The following STAC3 variants were observed in gnomAD, a reference collection of about 807,000 sequenced individuals.
The protein encoded by STAC3 is SH3 and cysteine-rich domain-containing protein 3.
Under a neutral mutation model 48.5 loss-of-function variants are expected in STAC3, and 30 were observed. The ratio of observed to expected loss-of-function variants is 0.62; its 90% CI spans 0.46 to 0.84. STAC3 has a LOEUF of 0.84. Ranked by LOEUF, STAC3 falls within the 40% of genes least tolerant of loss-of-function variation. STAC3 has a pLI of 0.00. For missense variants in STAC3, 419 were observed against 462.6 expected, an observed-to-expected ratio of 0.91 and a Z score of 0.86; for synonymous variants, 144 against 158.6, an observed-to-expected ratio of 0.91 and a Z score of 0.69.
Position 57,251,098 on chromosome 12 carries a change from G to GC in STAC3, c.-108dup. On this transcript the variant is annotated 5_prime_UTR_variant, in exon 1 of 12. Coordinates refer to ENST00000332782, the MANE Select transcript of STAC3 (RefSeq NM_145064.3). ...ACTGGTCCTCTTCCTTGGGGGCTAA[G>GC]CCCCCCCAGTACCCCCTGTGTTCAC... is the stretch of plus-strand genomic sequence containing the variant. 4.5e-6 allele frequency: 2 copies of GC among 449,028 alleles called. No homozygotes were observed. Among genetic ancestry groups the GC allele is most frequent in the East Asian group, 1.4e-4 (2 of 14,216 alleles). The allele number at this position is 449,028 out of a possible 1,614,324, so 27.8% of individuals were successfully genotyped here.
At chr12:57,247,947 C>T (rs751534072) in intron 5 of STAC3, among the ~76,000 whole-genome samples, 179 bp downstream of exon 5, 2 of 152,174 alleles carry the variant, frequency 1.3e-5, no homozygotes, top group Non-Finnish European at 2.9e-5. Context: ...ATCGTATCTC[C>T]CTCTGCTGTA....
In STAC3 at chr12:57,249,607, A is replaced by G; in HGVS notation, c.30T>C (p.Pro10=). 1 of 1,614,102 alleles carries G rather than the reference A, an allele frequency of 6.2e-7. No homozygotes were observed. The highest frequency in any genetic ancestry group is 8.5e-7 in the Non-Finnish European group (1 of 1,180,006). MTEKEVLES[P]KPSFPAETRQ... ...GAGTCTCTGCTGGGAAGGAGGGCTT[A>G]GGGGACTCCAGCACCTCCTTTTCTG... is the stretch of plus-strand genomic sequence containing the variant. The change falls in exon 2 of 12, where the codon CCT becomes CCC. Residue 10 remains proline (P), a synonymous_variant. Coordinates refer to ENST00000332782, the MANE Select transcript of STAC3 (RefSeq NM_145064.3).
At chr12:57,244,857 G>T in intron 8 of STAC3, 59 bp downstream of exon 8, 1 of 1,580,290 alleles carries the variant, frequency 6.3e-7, no homozygotes, top group Non-Finnish European at 8.7e-7. Flanking sequence ...CATGAGTAGT[G>T]GTGTCAGAGC....
intron 1 of STAC3, among the ~76,000 whole-genome samples, chr12:57,249,956 C>T (rs778385174): frequency 6.6e-6 from 1 of 152,154 alleles, no homozygotes; most frequent in African/African-American, 2.4e-5. Flanking sequence ...TGCTTTGTTG[C>T]CTAGGCTGGT....
rs757624550 is a variant in STAC3, at chr12:57,249,265, G to T, written c.110C>A (p.Thr37Lys). The change falls in exon 3 of 12, where the codon ACA becomes AAA. Residue 37 changes from threonine (T) to lysine (K), a missense_variant. By Grantham distance (78) the Thr-to-Lys change is moderately conservative. Transcript: ENST00000332782. ...KQLLRKGSTGTKEMELPPEPQ... is the reference protein window; with the variant it reads ...KQLLRKGSTGKKEMELPPEPQ... ...CTCTGGGGGAAGTTCCATCTCCTTTGTCCCTGTAGAACCCTTCCTGAGTAA... is the reference window on the plus strand; with the variant it reads ...CTCTGGGGGAAGTTCCATCTCCTTTTTCCCTGTAGAACCCTTCCTGAGTAA... The T allele has an allele frequency of 3.7e-6, 6 of 1,613,050 alleles. No individual in the cohort carries two copies. Among genetic ancestry groups the T allele is most frequent in the Non-Finnish European group, 4.2e-6 (5 of 1,179,554 alleles).
intron 6 of STAC3, 108 bp downstream of exon 6, chr12:57,246,696 C>T: frequency 1.8e-6 from 2 of 1,090,472 alleles, no homozygotes; most frequent in Middle Eastern, 2.0e-4. Flanking sequence ...GAGTTTTGTG[C>T]AATTTTAGGG....
In STAC3 at chr12:57,244,386, G is replaced by C. The variant is rs766822118; in HGVS notation, c.807-20C>G. 1 of 1,614,028 alleles carries C rather than the reference G, an allele frequency of 6.2e-7. No individual in the cohort carries two copies. Among genetic ancestry groups the C allele is most frequent in the Non-Finnish European group, 8.5e-7 (1 of 1,180,008 alleles). ...CCTGGCCTGGGAGGGGAAGGGAGGG[G>C]CCTCACTCACATAGCAGGTCCCCTG... On this transcript the variant is annotated intron_variant, in intron 9 of 11. Transcript: ENST00000332782.
Position 57,245,046 on chromosome 12 carries a change from T to G in STAC3, c.671-81A>C, listed in dbSNP as rs749072304. 139 of 1,602,830 alleles carry G rather than the reference T, an allele frequency of 8.7e-5. 1 individual carries two copies. Among genetic ancestry groups the G allele is most frequent in the Admixed American group, 1.3e-4 (8 of 59,946 alleles). On this transcript the variant is annotated intron_variant, in intron 7 of 11. Coordinates refer to ENST00000332782, the MANE Select transcript of STAC3 (RefSeq NM_145064.3). The stretch of plus-strand genomic sequence containing the variant: ...CTTACCCTTTTGTGGAAGGGCCTCG[T>G]CTATCCAAAGCTGGCCTGCCCTTTG...
At chr12:57,249,538 C>CT (rs2037850044) in intron 2 of STAC3, 33 bp downstream of exon 2, 1 of 1,612,696 alleles carries the variant, frequency 6.2e-7, no homozygotes, top group East Asian at 2.2e-5. Flanking sequence ...CTTCCCAGCC[C>CT]CCCACACCCA....
chr12:57,245,744 G>T (rs2037724328), intron 6 of STAC3, among the ~76,000 whole-genome samples: 1 of 151,998 alleles, frequency 6.6e-6, no homozygotes, highest in South Asian at 2.1e-4. Context: ...AAATAACAGG[G>T]AATTCACTAC....
At chr12:57,247,425 A>T (rs200336980) in intron 5 of STAC3, among the ~76,000 whole-genome samples, 4,487 of 58,360 alleles carry the variant, frequency 0.077, 308 homozygotes, top group African/African-American at 0.18. Context: ...TATTATTATT[A>T]TTATTTTTTT....
Position 57,243,845 on chromosome 12 carries a change from C to T in STAC3, c.1062G>A (p.Gly354=). ...YVKVYTGRKV[G]LFPTDFLEEI ...CCTCTAGAAAGTCGGTGGGAAACAG[C>T]CCCACCTTGCGGCCGGTGTAGACCT... The change falls in exon 12 of 12, where the codon GGG becomes GGA. Residue 354 remains glycine, a synonymous_variant. Transcript: ENST00000332782. 1 of 1,614,080 alleles carries T rather than the reference C, an allele frequency of 6.2e-7. No homozygotes were observed. The highest frequency in any genetic ancestry group is 8.5e-7 in the Non-Finnish European group (1 of 1,179,998).
chr12:57,250,797 C>T (rs1045641629), intron 1 of STAC3, among the ~76,000 whole-genome samples, 196 bp downstream of exon 1: 2 of 151,956 alleles, frequency 1.3e-5, no homozygotes, highest in African/African-American at 2.4e-5. Flanking sequence ...TCCCTTACTA[C>T]TTCATTCCCT....
chr12:57,243,826 GA>G lies in STAC3; in HGVS notation c.1080del (p.Leu361Ter). On this transcript the variant is annotated frameshift_variant, in exon 12 of 12. Transcript: ENST00000332782. LOFTEE classifies it high-confidence loss of function. ...GRKVGLFPTD[F>X]LEEI The stretch of plus-strand genomic sequence containing the variant: ...CGCCCGCACGCCTAAATTTCCTCTA[GA>G]AAGTCGGTGGGAAACAGCCCCACCT... The G allele has an allele frequency of 6.2e-7, 1 of 1,614,012 alleles. No individual in the cohort carries two copies. Among genetic ancestry groups the G allele is most frequent in the Middle Eastern group, 1.7e-4 (1 of 6,060 alleles).
intron 6 of STAC3, among the ~76,000 whole-genome samples, chr12:57,245,885 G>A (rs1382466015): frequency 4.6e-5 from 7 of 151,934 alleles, no homozygotes; most frequent in South Asian, 2.1e-4. Context: ...CGAGGTGGGC[G>A]GATCACCTGA....
In STAC3 at chr12:57,249,088, A is replaced by G; in HGVS notation, c.287T>C (p.Phe96Ser). Residue 96 changes from phenylalanine (F) to serine (S), a missense_variant, in exon 3 of 12, where the codon TTC (phenylalanine) becomes TCC (serine). Phe to Ser is a radical substitution (Grantham distance 155). Coordinates refer to ENST00000332782, the MANE Select transcript of STAC3 (RefSeq NM_145064.3). The stretch of plus-strand genomic sequence containing the variant: ...ATCACAGAACTTTGGCTTCTTGAAG[A>G]AGTGATCTTTGAATTTGTGGGGCTT... ...NDKPHKFKDH[F>S]FKKPKFCDVC... 1 of 1,611,008 alleles carries G rather than the reference A, an allele frequency of 6.2e-7. No homozygotes were observed.
intron 1 of STAC3, 184 bp from the exon 2 acceptor site, chr12:57,249,821 T>A: frequency 1.7e-6 from 1 of 599,838 alleles, no homozygotes; most frequent in Non-Finnish European, 2.9e-6. Context: ...AGTGGCGTGA[T>A]CATGGCTCAC....
chr12:57,247,422 A>ATTTTTT (rs1380789337), intron 5 of STAC3, among the ~76,000 whole-genome samples: 57 of 68,390 alleles, frequency 8.3e-4, no homozygotes, highest in East Asian at 1.4e-3. Context: ...TATTATTATT[A>ATTTTTT]TTATTATTTT....
At chr12:57,250,777 A>C (rs1422947640) in intron 1 of STAC3, among the ~76,000 whole-genome samples, 1 of 151,976 alleles carries the variant, frequency 6.6e-6, no homozygotes, top group Non-Finnish European at 1.5e-5. Flanking sequence ...GGGTAATATG[A>C]GCCTTTCCTT....
Sources: gnomAD v4.1 joint callset for allele counts (sites outside exome capture counted in the v4.1 genomes callset) on GRCh38, gnomAD v4.1.1 for gene constraint, MANE v1.5 for transcripts, NCBI Gene and HGNC (gene_info 2026-07-23, HGNC 2026-07-21) for gene names.